Variants in RSRC1 observed in about 807,000 individuals in gnomAD.
The protein encoded by RSRC1 is arginine and serine rich coiled-coil 1.
RSRC1 carries 39 observed loss-of-function variants against 49.1 expected under a neutral mutation model. That is an observed-to-expected ratio of 0.79 (90% CI 0.61 to 1.04). The LOEUF is 1.04. RSRC1 is among the 50% of genes least tolerant of loss of function. The pLI is 0.00. For synonymous variants in RSRC1, 143 were observed against 130.8 expected, an observed-to-expected ratio of 1.09 and a Z score of -0.63; for missense variants, 388 against 402.4, an observed-to-expected ratio of 0.96 and a Z score of 0.31.
intron 6 of RSRC1, among the ~76,000 whole-genome samples, chr3:158,371,569 T>C (rs1732081881): frequency 1.3e-5 from 2 of 151,938 alleles, no homozygotes; most frequent in Non-Finnish European, 2.9e-5. Flanking sequence ...AGTAGCTTAT[T>C]TACTTTTTAT....
At chr3:158,120,077 C>T (rs541809877) in intron 1 of RSRC1, among the ~76,000 whole-genome samples, 1 of 152,256 alleles carries the variant, frequency 6.6e-6, no homozygotes, top group South Asian at 2.1e-4. Context: ...GATCCGCCCG[C>T]CTCGGCCTCC....
chr3:158,463,982 G>T (rs1737749316), intron 7 of RSRC1, among the ~76,000 whole-genome samples: 1 of 150,526 alleles, frequency 6.6e-6, no homozygotes, highest in Non-Finnish European at 1.5e-5. Flanking sequence ...TTCAGTAAAG[G>T]TCAACTAAAT....
At position 158,487,954 on chromosome 3, in the gene RSRC1, A is replaced by G. The variant is rs867434995; in HGVS notation, c.652+26951A>G. Reference sequence around the variant, plus strand: ...GACAAGAGACTCCATCTCAAGAAAAAAAAAAAAAAAAAAAAAAAAACTGGC... The same window carrying G: ...GACAAGAGACTCCATCTCAAGAAAAGAAAAAAAAAAAAAAAAAAAACTGGC... On this transcript the variant is annotated intron_variant, in intron 7 of 9. Transcript: ENST00000611884. 9.4e-3 allele frequency among the ~76,000 whole-genome samples: 1,331 copies of G among 141,102 alleles called. 51 individuals are homozygous for G. The highest frequency in any genetic ancestry group is 0.035 in the African/African-American group (1,256 of 35,802). 92.6% of individuals were successfully genotyped at this position (141,102 alleles called of 152,430 possible).
Position 158,122,323 on chromosome 3 carries a change from A to G in RSRC1, c.194+25A>G, listed in dbSNP as rs773420430. The G allele has an allele frequency of 4.9e-6, 7 of 1,439,530 alleles. No individual in the cohort carries two copies. The Admixed American group carries it at 6.5e-5, about 13-fold the overall frequency. The allele number at this position is 1,439,530 out of a possible 1,614,324, so 89.2% of individuals were successfully genotyped here. A position where few individuals can be genotyped will look rare whatever the true frequency, so the allele number is the denominator to read the frequency against. On this transcript the variant is annotated intron_variant, in intron 2 of 9. Transcript: ENST00000611884. Reference sequence around the variant, plus strand: ...GGTGATTTTTGTAATTTTTATTTATATAGTAATGAGGATAACATTCTTTAA... The same window carrying G: ...GGTGATTTTTGTAATTTTTATTTATGTAGTAATGAGGATAACATTCTTTAA...
rs570130755 is a variant in RSRC1 at position 158,275,701 on chromosome 3, T to G, written c.495-22338T>G. 2.5e-5 allele frequency: 10 copies of G among 396,256 alleles called. No individual in the cohort carries two copies. In the South Asian group the frequency reaches 4.8e-4, roughly 19 times the overall value. 24.5% of individuals were successfully genotyped at this position (396,256 alleles called of 1,614,324 possible). ...GCACTTTAACTTTCTTAATTTGATA[T>G]TCATGAAATAATCTGCAGACTAGTT... On this transcript the variant is annotated intron_variant, in intron 4 of 9. Transcript: ENST00000611884.
intron 3 of RSRC1, among the ~76,000 whole-genome samples, chr3:158,158,849 G>C (rs1718037806): frequency 6.6e-6 from 1 of 150,558 alleles, no homozygotes; most frequent in East Asian, 2.0e-4. Flanking sequence ...TGAGGCAAGA[G>C]AATTACTTGA....
At chr3:158,495,983 A>G (rs1035211432) in intron 7 of RSRC1, among the ~76,000 whole-genome samples, 1 of 152,354 alleles carries the variant, frequency 6.6e-6, no homozygotes, top group East Asian at 1.9e-4. Flanking sequence ...ATATATCTAT[A>G]TATACATACA....
At chr3:158,132,153 T>C (rs961562083) in intron 3 of RSRC1, 10 of 448,374 alleles carry the variant, frequency 2.2e-5, no homozygotes, top group Non-Finnish European at 4.5e-5. Context: ...CCAACTATGA[T>C]TTTTGTATTT....
Position 158,203,180 on chromosome 3 carries a change from TAAAGAGA to T in RSRC1, c.441_447del (p.Glu148ArgfsTer25). 1.9e-6 allele frequency: 3 copies of T among 1,612,702 alleles called. No homozygotes were observed. The highest frequency in any genetic ancestry group is 1.7e-6 in the Non-Finnish European group (2 of 1,179,410). On this transcript the variant is annotated frameshift_variant, in exon 4 of 10. Coordinates refer to ENST00000611884, the MANE Select transcript of RSRC1 (RefSeq NM_001271838.2). LOFTEE classifies it high-confidence loss of function. ...ATAGAGAACGACGTAAGGGCAGAGA[TAAAGAGA>T]AAAGAGAAAAGGAGAAGGATAAAGG...
chr3:158,152,117 C>T (rs776193610), intron 3 of RSRC1, among the ~76,000 whole-genome samples: 1 of 150,872 alleles, frequency 6.6e-6, no homozygotes, highest in Non-Finnish European at 1.5e-5. Flanking sequence ...ATATAGGAGA[C>T]GAGTATAAAG....
intron 7 of RSRC1, among the ~76,000 whole-genome samples, chr3:158,514,453 C>T (rs1740379864): frequency 6.6e-6 from 1 of 152,162 alleles, no homozygotes; most frequent in Non-Finnish European, 1.5e-5. Flanking sequence ...ATCCTGAGTT[C>T]TAGTTTGATT....
chr3:158,182,741 T>G (rs374569199), intron 3 of RSRC1, among the ~76,000 whole-genome samples: 4 of 152,194 alleles, frequency 2.6e-5, no homozygotes, highest in South Asian at 2.1e-4. Flanking sequence ...TAGTATTCCT[T>G]TGTTCTGATA....
chr3:158,235,770 T>C (rs1438801927), intron 4 of RSRC1, among the ~76,000 whole-genome samples: 1 of 152,174 alleles, frequency 6.6e-6, no homozygotes, highest in East Asian at 1.9e-4. Flanking sequence ...TTTCAGTTTA[T>C]AAACAAGATG....
chr3:158,510,268 T>C (rs1740084846), intron 7 of RSRC1, among the ~76,000 whole-genome samples: 1 of 152,226 alleles, frequency 6.6e-6, no homozygotes. Context: ...GACATGTTTA[T>C]TCAGGTTTTT....
At chr3:158,354,828 G>T in intron 5 of RSRC1, 29 bp from the exon 6 acceptor site, 1 of 1,507,268 alleles carries the variant, frequency 6.6e-7, no homozygotes, top group Admixed American at 2.2e-5. Context: ...AGTCTTGTAT[G>T]GTTGAATTTT....
At chr3:158,342,250 T>A (rs1301886485) in intron 5 of RSRC1, among the ~76,000 whole-genome samples, 1 of 152,178 alleles carries the variant, frequency 6.6e-6, no homozygotes, top group Non-Finnish European at 1.5e-5. Flanking sequence ...CAGGGCAGAA[T>A]GATATGGTTT....
chr3:158,506,131 G>A (rs1739850451), intron 7 of RSRC1, among the ~76,000 whole-genome samples: 1 of 152,132 alleles, frequency 6.6e-6, no homozygotes, highest in South Asian at 2.1e-4. Flanking sequence ...CTTGTGCTCA[G>A]CAAAGGAAAC....
chr3:158,473,645 T>C (rs774236590), intron 7 of RSRC1, among the ~76,000 whole-genome samples: 52 of 152,180 alleles, frequency 3.4e-4, no homozygotes, highest in Non-Finnish European at 6.3e-4. Flanking sequence ...ACATGTACCC[T>C]AGAACTTAAA....
At chr3:158,457,086 A>T (rs879636907) in intron 6 of RSRC1, among the ~76,000 whole-genome samples, 1 of 152,190 alleles carries the variant, frequency 6.6e-6, no homozygotes. Flanking sequence ...CTAAGGATAC[A>T]CAACACTAAA....
Sources: gnomAD v4.1 joint callset for allele counts (sites outside exome capture counted in the v4.1 genomes callset) on GRCh38, gnomAD v4.1.1 for gene constraint, MANE v1.5 for transcripts, NCBI Gene and HGNC (gene_info 2026-07-23, HGNC 2026-07-21) for gene names.